DLGAP2: variants seen among roughly 807,000 people sequenced by gnomAD.
DLGAP2 encodes the protein disks large-associated protein 2.
Under a neutral mutation model 100.3 loss-of-function variants are expected in DLGAP2, and 26 were observed. That is an observed-to-expected ratio of 0.26 (90% CI 0.19 to 0.36). The LOEUF is 0.36. DLGAP2 is among the 10% of genes least tolerant of loss of function. The probability of loss-of-function intolerance (pLI) is 1.00; values close to 1 mark genes in which losing one functional copy is unlikely to be tolerated. For missense variants in DLGAP2, 1,858 were observed against 1,453.2 expected, an observed-to-expected ratio of 1.28 and a Z score of -4.53; for synonymous variants, 886 against 630.1, an observed-to-expected ratio of 1.41 and a Z score of -6.08.
At chr8:1,430,287 T>C (rs529540023) in intron 3 of DLGAP2, among the ~76,000 whole-genome samples, 1 of 152,066 alleles carries the variant, frequency 6.6e-6, no homozygotes, top group South Asian at 2.1e-4. Context: ...TTGCTAAAAA[T>C]AAGAAGAAAA....
At chr8:1,175,770 T>C (rs1797239008) in intron 2 of DLGAP2, among the ~76,000 whole-genome samples, 1 of 152,244 alleles carries the variant, frequency 6.6e-6, no homozygotes, top group South Asian at 2.1e-4. Context: ...ATTCACCCTA[T>C]ACCTCATCGG....
intron 2 of DLGAP2, among the ~76,000 whole-genome samples, chr8:1,047,932 A>T (rs1450092210): frequency 6.6e-6 from 1 of 152,126 alleles, no homozygotes; most frequent in African/African-American, 2.4e-5. Flanking sequence ...GTTGATCTAT[A>T]TGTCTAGCCT....
chr8:741,804 C>T (rs1176122621), intron 1 of DLGAP2, among the ~76,000 whole-genome samples: 1 of 152,210 alleles, frequency 6.6e-6, no homozygotes, highest in East Asian at 1.9e-4. Context: ...GGAGCCCTAA[C>T]TCCCTCTCAA....
At chr8:1,199,058 C>G (rs1185060205) in intron 2 of DLGAP2, among the ~76,000 whole-genome samples, 2 of 152,188 alleles carry the variant, frequency 1.3e-5, no homozygotes, top group African/African-American at 4.8e-5. Context: ...TTCCAGACTT[C>G]CAGACTGCTC....
intron 3 of DLGAP2, among the ~76,000 whole-genome samples, chr8:1,450,738 G>A (rs574840825): frequency 5.3e-5 from 8 of 152,188 alleles, no homozygotes; most frequent in South Asian, 2.1e-4. Flanking sequence ...GACAGGCACC[G>A]TCCTCCACGC....
intron 3 of DLGAP2, among the ~76,000 whole-genome samples, chr8:1,325,065 T>G (rs1401237214): frequency 6.6e-6 from 1 of 152,226 alleles, no homozygotes; most frequent in Non-Finnish European, 1.5e-5. Flanking sequence ...ATGGATGCTC[T>G]GCCTGGCATC....
At chr8:1,281,917 T>TC (rs1459542385) in intron 3 of DLGAP2, among the ~76,000 whole-genome samples, 2 of 152,220 alleles carry the variant, frequency 1.3e-5, no homozygotes, top group Admixed American at 6.5e-5. Context: ...TGTGATGGTG[T>TC]CAGTTATTGC....
At chr8:1,271,718 A>G (rs1799587623) in intron 3 of DLGAP2, among the ~76,000 whole-genome samples, 1 of 152,236 alleles carries the variant, frequency 6.6e-6, no homozygotes, top group Admixed American at 6.5e-5. Context: ...GGGAGGGGAA[A>G]TGGGACAATG....
At chr8:1,468,564 C>G (rs1798693397) in intron 3 of DLGAP2, among the ~76,000 whole-genome samples, 1 of 152,238 alleles carries the variant, frequency 6.6e-6, no homozygotes, top group Admixed American at 6.5e-5. Context: ...AAGCCTTAGG[C>G]TCCTGGTGCC....
rs535618761 is a variant in DLGAP2 at position 1,581,435 on chromosome 8, A to T, written c.1442+15541A>T. 1.2e-3 allele frequency among the ~76,000 whole-genome samples: 180 copies of T among 151,906 alleles called. 1 individual carries two copies. Among genetic ancestry groups the T allele is most frequent in the African/African-American group, 4.2e-3 (175 of 41,308 alleles). ...CCACACACATATACACACCACAGTC[A>T]AACTACCAGAAGTGAAGGATACAGA... On this transcript the variant is annotated intron_variant, in intron 6 of 14. Transcript: ENST00000637795.
intron 2 of DLGAP2, among the ~76,000 whole-genome samples, chr8:1,256,876 C>G (rs1799234168): frequency 6.6e-6 from 1 of 152,172 alleles, no homozygotes; most frequent in African/African-American, 2.4e-5. Context: ...GGAGCCCCGC[C>G]TCCCTCCACA....
intron 7 of DLGAP2, among the ~76,000 whole-genome samples, chr8:1,629,382 CTGGGCAAATGGGAATGGTGG>C (rs1797588546): frequency 6.6e-6 from 1 of 152,224 alleles, no homozygotes; most frequent in African/African-American, 2.4e-5. Flanking sequence ...CGCTCAAGTC[CTGGGCAAATGGGAATGGTGG>C]GTCCTCCAGC....
intron 2 of DLGAP2, among the ~76,000 whole-genome samples, chr8:1,150,837 T>A (rs1447622311): frequency 6.6e-6 from 1 of 152,256 alleles, no homozygotes; most frequent in Non-Finnish European, 1.5e-5. Flanking sequence ...ATATCATTAT[T>A]TGAAATATAT....
At chr8:1,326,428 T>G (rs536325667) in intron 3 of DLGAP2, among the ~76,000 whole-genome samples, 13 of 152,114 alleles carry the variant, frequency 8.5e-5, no homozygotes, top group Admixed American at 8.5e-4. Context: ...GGAAGAAATG[T>G]AAGGAAAGGA....
At chr8:1,355,445 A>T (rs958012658) in intron 3 of DLGAP2, among the ~76,000 whole-genome samples, 2 of 151,784 alleles carry the variant, frequency 1.3e-5, no homozygotes, top group Non-Finnish European at 2.9e-5. Flanking sequence ...GCTCACTGCA[A>T]CCTCCACCTC....
intron 3 of DLGAP2, among the ~76,000 whole-genome samples, chr8:1,341,540 T>G (rs1801417845): frequency 6.6e-6 from 1 of 152,150 alleles, no homozygotes; most frequent in Non-Finnish European, 1.5e-5. Flanking sequence ...TGAAGCCATG[T>G]CTCAAAAAAA....
Position 1,592,445 on chromosome 8 carries a change from C to T in DLGAP2, c.1442+26551C>T, listed in dbSNP as rs550731072. Among the ~76,000 whole-genome samples, 5 of 152,052 alleles carry T rather than the reference C, an allele frequency of 3.3e-5. No individual in the cohort carries two copies. The South Asian group carries it at 1.0e-3, about 32-fold the overall frequency. On this transcript the variant is annotated intron_variant, in intron 6 of 14. Transcript: ENST00000637795. ...CCCCTGTGTTTCTGCTTGGAAAGGG[C>T]TCCCTGAAGTGCAAATATGGTCCTG...
chr8:1,694,303 G>A (rs749599284), intron 13 of DLGAP2, among the ~76,000 whole-genome samples: 1 of 152,168 alleles, frequency 6.6e-6, no homozygotes, highest in Non-Finnish European at 1.5e-5. Flanking sequence ...GCTCATCAAA[G>A]CCAAATGGTC....
intron 2 of DLGAP2, among the ~76,000 whole-genome samples, chr8:975,634 T>C (rs1277902150): frequency 6.6e-6 from 1 of 152,244 alleles, no homozygotes; most frequent in East Asian, 1.9e-4. Context: ...AAGAAAAAAT[T>C]ACATCATGTC....
Sources: allele counts gnomAD v4.1 joint callset (sites outside exome capture counted in the v4.1 genomes callset), GRCh38; gene constraint gnomAD v4.1.1; transcripts MANE v1.5; gene names NCBI Gene and HGNC (gene_info 2026-07-23, HGNC 2026-07-21).